The following TMEM117 variants were observed in gnomAD, a reference collection of about 807,000 sequenced individuals.
TMEM117 encodes the protein transmembrane protein 117.
In TMEM117, 27 loss-of-function variants were observed where a neutral mutation model predicts 52.4. The observed-to-expected ratio is 0.51, with a 90% confidence interval of 0.38 to 0.71. The LOEUF (loss-of-function observed/expected upper bound fraction) is 0.71, where lower values mean the gene tolerates loss of function less well. Among genes scored for constraint, TMEM117 ranks in the 30% least tolerant of loss-of-function variants. The pLI, the probability that TMEM117 is intolerant of heterozygous loss-of-function variation, is 0.00. For synonymous variants in TMEM117, 215 were observed against 206.3 expected (o/e 1.04, Z -0.36); for missense variants, 556 against 630.5 (o/e 0.88, Z 1.26).
chr12:43,925,584 A>G (rs553620929), intron 2 of TMEM117, among the ~76,000 whole-genome samples: 20 of 152,218 alleles, frequency 1.3e-4, no homozygotes, highest in Non-Finnish European at 2.5e-4. Flanking sequence ...ATCCATGCCA[A>G]TGGTATGGTT....
At chr12:43,885,283 A>G (rs1269571177) in intron 2 of TMEM117, among the ~76,000 whole-genome samples, 2 of 152,166 alleles carry the variant, frequency 1.3e-5, no homozygotes, top group East Asian at 1.9e-4. Context: ...TGAGATCAGC[A>G]TGCCCTGTGC....
downstream of TMEM117, among the ~76,000 whole-genome samples, chr12:44,393,360 T>A (rs1188207491): frequency 6.6e-6 from 1 of 152,290 alleles, no homozygotes; most frequent in African/African-American, 2.4e-5. Flanking sequence ...TTTCACCCTA[T>A]CCAGATCTTT....
chr12:44,261,771 A>T (rs539716638), intron 5 of TMEM117, among the ~76,000 whole-genome samples: 28 of 152,326 alleles, frequency 1.8e-4, no homozygotes, highest in African/African-American at 6.0e-4. Flanking sequence ...AGAAACCTTC[A>T]CATGCGCAGC....
chr12:44,190,674 G>T (rs954294939), intron 4 of TMEM117, among the ~76,000 whole-genome samples: 1 of 151,924 alleles, frequency 6.6e-6, no homozygotes, highest in Admixed American at 6.6e-5. Flanking sequence ...AAAAAATAAG[G>T]CTTCATGAAA....
intron 3 of TMEM117, among the ~76,000 whole-genome samples, chr12:44,122,282 G>C (rs906829976): frequency 2.0e-5 from 3 of 152,004 alleles, no homozygotes; most frequent in Admixed American, 2.0e-4. Flanking sequence ...CTGACCTCGT[G>C]ATCTGCCTGC....
the TMEM117 span, chr12:43,797,818 C>G: frequency 1.9e-6 from 3 of 1,612,906 alleles, no homozygotes; most frequent in East Asian, 6.7e-5. Context: ...GTGTCCACAC[C>G]CACGTCAGTC....
chr12:44,226,592 A>G (rs1304223760), intron 5 of TMEM117, among the ~76,000 whole-genome samples: 3 of 151,978 alleles, frequency 2.0e-5, no homozygotes, highest in Non-Finnish European at 4.4e-5. Context: ...TGAAGTCCTA[A>G]TGCCTCAGAA....
intron 2 of TMEM117, among the ~76,000 whole-genome samples, chr12:43,855,148 T>TTCAGGTTTGG (rs1456419154): frequency 6.6e-6 from 1 of 152,234 alleles, no homozygotes; most frequent in African/African-American, 2.4e-5. Flanking sequence ...ACTAAATGGA[T>TTCAGGTTTGG]TCAGGTTTGG....
the TMEM117 span, among the ~76,000 whole-genome samples, chr12:43,800,235 A>T: frequency 2.8e-4 from 42 of 152,302 alleles, no homozygotes; most frequent in South Asian, 2.1e-3. Context: ...TCACTTGTCA[A>T]TGTCAAATAG....
At chr12:44,169,704 A>G (rs1565858446) in intron 4 of TMEM117, among the ~76,000 whole-genome samples, 1 of 152,140 alleles carries the variant, frequency 6.6e-6, no homozygotes, top group Non-Finnish European at 1.5e-5. Flanking sequence ...TTGAAATTCA[A>G]TTTATTTTTT....
chr12:44,278,851 G>A (rs1249015037), intron 5 of TMEM117, among the ~76,000 whole-genome samples: 1 of 152,138 alleles, frequency 6.6e-6, no homozygotes, highest in Non-Finnish European at 1.5e-5. Flanking sequence ...ACACAATGGT[G>A]TTAATTCCTG....
At chr12:44,031,799 C>T (rs749561363) in intron 3 of TMEM117, among the ~76,000 whole-genome samples, 3 of 152,206 alleles carry the variant, frequency 2.0e-5, no homozygotes, top group South Asian at 2.1e-4. Context: ...TAGTTATTTG[C>T]GTAAGTGCAA....
At chr12:44,121,827 T>C (rs996348856) in intron 3 of TMEM117, among the ~76,000 whole-genome samples, 1 of 152,098 alleles carries the variant, frequency 6.6e-6, no homozygotes, top group Non-Finnish European at 1.5e-5. Flanking sequence ...TAGTACCCGA[T>C]AGTAATTTTT....
At chr12:44,170,390 A>G (rs1949028991) in intron 4 of TMEM117, among the ~76,000 whole-genome samples, 3 of 152,048 alleles carry the variant, frequency 2.0e-5, no homozygotes, top group Non-Finnish European at 2.9e-5. Flanking sequence ...ACATGTATAC[A>G]TATGTAACAA....
intron 6 of TMEM117, among the ~76,000 whole-genome samples, chr12:44,326,905 T>C (rs1430669075): frequency 6.6e-6 from 1 of 152,174 alleles, no homozygotes; most frequent in East Asian, 1.9e-4. Flanking sequence ...GAAGCCTCCT[T>C]CTTTCTAGCC....
intron 6 of TMEM117, among the ~76,000 whole-genome samples, chr12:44,332,950 G>A (rs141349668): frequency 1.1e-3 from 163 of 151,990 alleles, no homozygotes; most frequent in African/African-American, 3.7e-3. Flanking sequence ...AAGCTATACC[G>A]ATTCTGTTGC....
At chr12:43,930,568 C>A (rs1944855353) in intron 2 of TMEM117, among the ~76,000 whole-genome samples, 1 of 152,150 alleles carries the variant, frequency 6.6e-6, no homozygotes, top group Admixed American at 6.5e-5. Context: ...GTGATCTTGG[C>A]CTTTCAAGTC....
At chr12:44,354,072 G>A (rs1234177169) in intron 6 of TMEM117, among the ~76,000 whole-genome samples, 1 of 152,142 alleles carries the variant, frequency 6.6e-6, no homozygotes, top group Non-Finnish European at 1.5e-5. Context: ...GTGAATGAGA[G>A]TTCACTCATT....
At chr12:44,043,987 G>A (rs2137905290) in intron 3 of TMEM117, among the ~76,000 whole-genome samples, 1 of 152,238 alleles carries the variant, frequency 6.6e-6, no homozygotes, top group Middle Eastern at 3.4e-3. Context: ...CTGAAAAGAT[G>A]GCCTGCTGTG....
Sources: gnomAD v4.1 joint callset for allele counts (sites outside exome capture counted in the v4.1 genomes callset) on GRCh38, gnomAD v4.1.1 for gene constraint, MANE v1.5 for transcripts, NCBI Gene and HGNC (gene_info 2026-07-23, HGNC 2026-07-21) for gene names.